Variants in SYN3 observed in about 807,000 individuals in gnomAD.
The protein encoded by SYN3 is synapsin-3.
SYN3 carries 35 observed loss-of-function variants against 65.8 expected under a neutral mutation model. The ratio of observed to expected loss-of-function variants is 0.53; its 90% CI spans 0.41 to 0.70. SYN3 has a LOEUF of 0.70. SYN3 is among the 30% of genes least tolerant of loss of function. The probability of loss-of-function intolerance (pLI) is 0.00; values close to 1 mark genes in which losing one functional copy is unlikely to be tolerated. For synonymous variants in SYN3, 270 were observed against 292.9 expected (o/e 0.92, Z 0.80); for missense variants, 680 against 749.0 (o/e 0.91, Z 1.08).
At chr22:32,554,840 T>TC (rs2058469793) in intron 7 of SYN3, among the ~76,000 whole-genome samples, 2 of 152,182 alleles carry the variant, frequency 1.3e-5, no homozygotes, top group African/African-American at 4.8e-5. Flanking sequence ...AAATCCCAAC[T>TC]CCATCACTTA....
In SYN3 at chr22:32,801,225, C is replaced by A. The variant is rs2046564333; in HGVS notation, c.711+63690G>T. On this transcript the variant is annotated intron_variant, in intron 6 of 13. Transcript: ENST00000358763. This position sits in a 1 kb window ranked among gnomAD's most constrained non-coding sequence, Gnocchi z 4.7. ...GGTCTTTCTCCTCTGTGCCTGCTCT[C>A]TCCAGAGAAACTGGAGGGGTAGCAG... is the stretch of plus-strand genomic sequence containing the variant. 6.6e-6 allele frequency among the ~76,000 whole-genome samples: 1 copy of A among 152,240 alleles called. No individual in the cohort carries two copies. Among genetic ancestry groups the A allele is most frequent in the African/African-American group, 2.4e-5 (1 of 41,466 alleles).
chr22:32,636,087 C>T (rs1350322053), intron 6 of SYN3, among the ~76,000 whole-genome samples: 5 of 152,090 alleles, frequency 3.3e-5, no homozygotes, highest in Admixed American at 3.3e-4. Context: ...CTGCTAAGAA[C>T]CCTGACAAGG....
At chr22:32,599,543 G>C (rs1022065226) in intron 6 of SYN3, among the ~76,000 whole-genome samples, 4 of 151,788 alleles carry the variant, frequency 2.6e-5, no homozygotes, top group Non-Finnish European at 5.9e-5. Flanking sequence ...GGATGGTCTC[G>C]ATCTCCTGAC....
chr22:32,798,817 A>G (rs1039190850), intron 6 of SYN3, among the ~76,000 whole-genome samples: 1 of 147,240 alleles, frequency 6.8e-6, no homozygotes, highest in African/African-American at 2.5e-5. Context: ...TCAGCCTCCC[A>G]AGTAACTGGG....
intron 6 of SYN3, 46 bp from the exon 7 acceptor site, chr22:32,596,782 C>A: frequency 2.6e-6 from 4 of 1,560,800 alleles, no homozygotes; most frequent in Non-Finnish European, 3.5e-6. Context: ...CAGAGCATTG[C>A]CACCAAGGCT....
At chr22:32,663,731 A>G (rs1569135184) in intron 6 of SYN3, among the ~76,000 whole-genome samples, 2 of 152,204 alleles carry the variant, frequency 1.3e-5, no homozygotes, top group South Asian at 2.1e-4. Context: ...TATGAGTTCA[A>G]TGTTTTCATA....
At chr22:32,997,129 A>G (rs2052903837) in intron 2 of SYN3, among the ~76,000 whole-genome samples, 1 of 152,200 alleles carries the variant, frequency 6.6e-6, no homozygotes, top group Non-Finnish European at 1.5e-5. Context: ...GGCCTGAGCC[A>G]GGTCCCAGAT....
rs537509999 is a variant in SYN3, at chr22:32,829,975, G to T, written c.711+34940C>A. ...GGGCCTCTCTCTGCATTGCTCTGGG[G>T]TGTTCACTGCACTTGGACTGATACC... On this transcript the variant is annotated intron_variant, in intron 6 of 13. Transcript: ENST00000358763. 1.6e-4 allele frequency among the ~76,000 whole-genome samples: 24 copies of T among 152,294 alleles called. No homozygotes were observed. The East Asian group carries it at 4.6e-3, about 29-fold the overall frequency.
chr22:32,535,670 T>G (rs1231786629), intron 9 of SYN3, among the ~76,000 whole-genome samples: 1 of 152,032 alleles, frequency 6.6e-6, no homozygotes, highest in East Asian at 1.9e-4. Flanking sequence ...GAGGCTGTTT[T>G]GAAAGGATGA....
chr22:32,924,843 G>A (rs1317339470), intron 4 of SYN3, among the ~76,000 whole-genome samples: 1 of 152,198 alleles, frequency 6.6e-6, no homozygotes, highest in Non-Finnish European at 1.5e-5. Flanking sequence ...TGTAATCCCA[G>A]CACGTTAGGA....
intron 6 of SYN3, among the ~76,000 whole-genome samples, chr22:32,845,589 A>G (rs1018385305): frequency 9.2e-5 from 14 of 152,012 alleles, no homozygotes; most frequent in African/African-American, 3.4e-4. Context: ...CCAGCACCCA[A>G]CCCAATGTTC....
chr22:32,550,203 T>C (rs1261507348), intron 7 of SYN3, among the ~76,000 whole-genome samples: 1 of 152,196 alleles, frequency 6.6e-6, no homozygotes, highest in Non-Finnish European at 1.5e-5. Context: ...CGTGGATCTC[T>C]GTGATATTCC....
At chr22:32,582,679 G>A (rs1479885215) in intron 7 of SYN3, among the ~76,000 whole-genome samples, 1 of 152,112 alleles carries the variant, frequency 6.6e-6, no homozygotes, top group Non-Finnish European at 1.5e-5. Context: ...ACTGTGCCCA[G>A]CCTATGTTCT....
intron 6 of SYN3, among the ~76,000 whole-genome samples, chr22:32,672,132 T>A (rs114682): frequency 2.0e-5 from 3 of 151,996 alleles, no homozygotes; most frequent in African/African-American, 4.8e-5. Context: ...GCCAGCAGGC[T>A]GGATGTGTCC....
intron 4 of SYN3, among the ~76,000 whole-genome samples, chr22:32,920,819 A>G (rs1310508448): frequency 6.6e-6 from 1 of 152,026 alleles, no homozygotes; most frequent in Non-Finnish European, 1.5e-5. Flanking sequence ...GGCCAAAGTG[A>G]GGCCCCAGCA....
chr22:32,989,482 C>G (rs1477772656), intron 2 of SYN3, among the ~76,000 whole-genome samples: 1 of 152,270 alleles, frequency 6.6e-6, no homozygotes, highest in African/African-American at 2.4e-5. Context: ...ATGATGGAGA[C>G]CTTCCCTGTC....
chr22:32,616,073 C>G (rs1243319382), intron 6 of SYN3, among the ~76,000 whole-genome samples: 1 of 152,224 alleles, frequency 6.6e-6, no homozygotes, highest in Non-Finnish European at 1.5e-5. Context: ...TCCCTGCAAG[C>G]TGCGAGGAGA....
At chr22:32,824,008 G>C (rs1197068937) in intron 6 of SYN3, among the ~76,000 whole-genome samples, 1 of 152,180 alleles carries the variant, frequency 6.6e-6, no homozygotes, top group Non-Finnish European at 1.5e-5. Flanking sequence ...GCCAGGCGCG[G>C]TGACTCACGC....
At chr22:32,814,139 T>A (rs55949211) in intron 6 of SYN3, among the ~76,000 whole-genome samples, 15,375 of 89,840 alleles carry the variant, frequency 0.17, 1,177 homozygotes, top group African/African-American at 0.28. Context: ...TGTGTGTGTG[T>A]GTGAGAGAGA....
Sources: gnomAD v4.1 joint callset for allele counts (sites outside exome capture counted in the v4.1 genomes callset) on GRCh38, gnomAD v4.1.1 for gene constraint, Gnocchi (gnomAD v3.1) non-coding constraint, MANE v1.5 for transcripts, NCBI Gene and HGNC (gene_info 2026-07-23, HGNC 2026-07-21) for gene names.